The following LDAF1 variants were observed in gnomAD, a reference collection of about 807,000 sequenced individuals.
LDAF1 encodes the protein lipid droplet assembly factor 1, also known as PROMETHIN.
Under a neutral mutation model 13.5 loss-of-function variants are expected in LDAF1, and 7 were observed. The ratio of observed to expected loss-of-function variants is 0.52; its 90% CI spans 0.29 to 0.97. The LOEUF is 0.97. LDAF1 is among the 50% of genes least tolerant of loss of function. The pLI is 0.07. For missense variants in LDAF1, 148 were observed against 193.2 expected (o/e 0.77, Z 1.39); for synonymous variants, 69 against 77.1 (o/e 0.89, Z 0.55).
intron 2 of LDAF1, among the ~76,000 whole-genome samples, chr16:21,165,108 C>G (rs1366030408): frequency 6.6e-6 from 1 of 152,156 alleles, no homozygotes; most frequent in Non-Finnish European, 1.5e-5. Context: ...TCATCTGAAT[C>G]TTGGTCTCTT....
rs140785191 is a variant in LDAF1, at chr16:21,161,152, C to G, written c.-31C>G. 7.5e-6 allele frequency: 12 copies of G among 1,609,600 alleles called. No homozygotes were observed. In the South Asian group the frequency reaches 1.2e-4, roughly 16 times the overall value. On this transcript the variant is annotated 5_prime_UTR_variant, in exon 2 of 5. Transcript: ENST00000233047. ...TGGAGAATTTACTGGTAGGATAATT[C>G]ATCCCTAAAGAGATTGAAGTGAGCT...
rs777863759 is a variant in LDAF1 at position 21,170,550 on chromosome 16, G to A, written c.210G>A (p.Leu70=). The A allele has an allele frequency of 6.2e-7, 1 of 1,614,160 alleles. No homozygotes were observed. Among genetic ancestry groups the A allele is most frequent in the South Asian group, 1.1e-5 (1 of 91,088 alleles). Residue 70 remains leucine (L), a synonymous_variant, in exon 3 of 5, where the codon CTG becomes CTA. Coordinates refer to ENST00000233047, the MANE Select transcript of LDAF1 (RefSeq NM_001301771.2). ...VMSAVPVGFF[L]LIVVLTTLAA... ...CGGCCGTTCCTGTTGGATTCTTCCT[G>A]CTCATCGTGGTGCTTACCACCCTGG...
chr16:21,172,753 T>C, intron 3 of LDAF1: 7 of 768,164 alleles, frequency 9.1e-6, no homozygotes, highest in Non-Finnish European at 1.1e-5. Flanking sequence ...TGCACCTGAT[T>C]CTGATGCAGG....
At chr16:21,177,775 G>C (rs2093152716) in intron 4 of LDAF1, among the ~76,000 whole-genome samples, 3 of 151,904 alleles carry the variant, frequency 2.0e-5, no homozygotes, top group Admixed American at 2.0e-4. Flanking sequence ...GCACCACCAT[G>C]CATGGCTAAT....
chr16:21,179,724 T>G lies in LDAF1; in HGVS notation c.*168T>G. 2 of 591,852 alleles carry G rather than the reference T, an allele frequency of 3.4e-6. No individual in the cohort carries two copies. The highest frequency in any genetic ancestry group is 5.9e-6 in the Non-Finnish European group (2 of 337,610). 36.7% of individuals were successfully genotyped at this position (591,852 alleles called of 1,614,324 possible). A position where few individuals can be genotyped will look rare whatever the true frequency, so the allele number is the denominator to read the frequency against. On this transcript the variant is annotated 3_prime_UTR_variant, in exon 5 of 5. Coordinates refer to ENST00000233047, the MANE Select transcript of LDAF1 (RefSeq NM_001301771.2). Reference sequence around the variant, plus strand: ...CGCAGCAGCCAATTTAGGGATTGTGTTGTTCTTGTGTTGGTTCCCATGTAA... The same window carrying G: ...CGCAGCAGCCAATTTAGGGATTGTGGTGTTCTTGTGTTGGTTCCCATGTAA...
At chr16:21,172,646 A>G (rs1567199679) in intron 3 of LDAF1, 1 of 154,804 alleles carries the variant, frequency 6.5e-6, no homozygotes, top group Non-Finnish European at 1.4e-5. Flanking sequence ...GAAAAAAGAG[A>G]AAGAAAATGC....
At position 21,161,295 on chromosome 16, in the gene LDAF1, T is replaced by C. The variant is rs186878029; in HGVS notation, c.96+17T>C. The C allele has an allele frequency of 4.3e-5, 70 of 1,612,398 alleles. No individual in the cohort carries two copies. The African/African-American group carries it at 9.2e-4, about 21-fold the overall frequency. On this transcript the variant is annotated intron_variant, in intron 2 of 4. Coordinates refer to ENST00000233047, the MANE Select transcript of LDAF1 (RefSeq NM_001301771.2). ...AACTCAAAGGTCAGTTTCCAATCACTATGTATAATGGAAAATCCCAATATA... is the reference window on the plus strand; with the variant it reads ...AACTCAAAGGTCAGTTTCCAATCACCATGTATAATGGAAAATCCCAATATA...
At chr16:21,166,137 C>T (rs1247767690) in intron 2 of LDAF1, among the ~76,000 whole-genome samples, 2 of 152,134 alleles carry the variant, frequency 1.3e-5, no homozygotes, top group Non-Finnish European at 2.9e-5. Flanking sequence ...GCTGGGATTA[C>T]AGGTGTGAGC....
chr16:21,159,462 C>T (rs777056581), intron 1 of LDAF1: 4 of 1,608,738 alleles, frequency 2.5e-6, no homozygotes, highest in East Asian at 2.2e-5. Flanking sequence ...GAGATGTGAC[C>T]CCTCCTCCCA....
chr16:21,179,386 A>G (rs2093164418), intron 4 of LDAF1, 89 bp from the exon 5 acceptor site: 3 of 1,608,908 alleles, frequency 1.9e-6, no homozygotes, highest in African/African-American at 2.7e-5. Context: ...AATCAGGAAA[A>G]AGAACATCAT....
intron 1 of LDAF1, chr16:21,159,519 G>T: frequency 7.7e-7 from 1 of 1,299,768 alleles, no homozygotes; most frequent in Non-Finnish European, 1.1e-6. Context: ...TTCGGGGGTG[G>T]GAGGGCCAGG....
At position 21,174,296 on chromosome 16, in the gene LDAF1, TCTC is replaced by T. The variant is rs1002892639; in HGVS notation, c.404+151_404+153del. On this transcript the variant is annotated intron_variant, in intron 4 of 4. Coordinates refer to ENST00000233047, the MANE Select transcript of LDAF1 (RefSeq NM_001301771.2). ...CCTCAACCTCCAAGGCTCAAGCAGT[TCTC>T]CTGCTTCAGCCTCCCAAGTAGCTGG... 7.5e-6 allele frequency: 5 copies of T among 670,360 alleles called. No homozygotes were observed. The African/African-American group carries it at 9.4e-5, about 13-fold the overall frequency. 41.5% of individuals were successfully genotyped at this position (670,360 alleles called of 1,614,324 possible).
chr16:21,170,315 T>C, intron 2 of LDAF1, 122 bp from the exon 3 acceptor site: 1 of 1,543,744 alleles, frequency 6.5e-7, no homozygotes, highest in Non-Finnish European at 8.7e-7. Flanking sequence ...TAGTGACTTG[T>C]TAATGCATAA....
Position 21,167,045 on chromosome 16 carries a change from G to A in LDAF1, c.97-3392G>A, listed in dbSNP as rs146409476. 2.4e-4 allele frequency: 190 copies of A among 804,926 alleles called. No homozygotes were observed. The African/African-American group carries it at 3.0e-3, about 13-fold the overall frequency. The allele number at this position is 804,926 out of a possible 1,614,324, so 49.9% of individuals were successfully genotyped here. A position where few individuals can be genotyped will look rare whatever the true frequency, so the allele number is the denominator to read the frequency against. The stretch of plus-strand genomic sequence containing the variant: ...ATGCCGTCCTGTGGCCTGGCAGGGA[G>A]TGAAATTGGCCATGCCTCGAGAGTA... On this transcript the variant is annotated intron_variant, in intron 2 of 4. Transcript: ENST00000233047.
chr16:21,179,396 TG>T, intron 4 of LDAF1, 78 bp from the exon 5 acceptor site: 1 of 1,611,128 alleles, frequency 6.2e-7, no homozygotes, highest in Non-Finnish European at 8.5e-7. Context: ...AAGAACATCA[TG>T]TATTCAGCTA....
At chr16:21,166,629 G>A (rs2093026640) in intron 2 of LDAF1, among the ~76,000 whole-genome samples, 1 of 152,196 alleles carries the variant, frequency 6.6e-6, no homozygotes, top group Non-Finnish European at 1.5e-5. Flanking sequence ...CATACTCACG[G>A]GTGTACTGCT....
rs751447450 is a variant in LDAF1 at position 21,170,539 on chromosome 16, G to C, written c.199G>C (p.Gly67Arg). 6.2e-7 allele frequency: 1 copy of C among 1,614,122 alleles called. No individual in the cohort carries two copies. Among genetic ancestry groups the C allele is most frequent in the South Asian group, 1.1e-5 (1 of 91,072 alleles). ...CATTGTCATGTCGGCCGTTCCTGTTGGATTCTTCCTGCTCATCGTGGTGCT... is the reference window on the plus strand; with the variant it reads ...CATTGTCATGTCGGCCGTTCCTGTTCGATTCTTCCTGCTCATCGTGGTGCT... ...VFIVMSAVPV[G>R]FFLLIVVLTT... Residue 67 changes from glycine (G) to arginine (R), a missense_variant, in exon 3 of 5, where the codon GGA becomes CGA. Physicochemically the swap from Gly to Arg is moderately radical, Grantham distance 125 (BLOSUM62 -2). Transcript: ENST00000233047.
At chr16:21,164,858 G>T (rs529020714) in intron 2 of LDAF1, among the ~76,000 whole-genome samples, 88 of 152,242 alleles carry the variant, frequency 5.8e-4, no homozygotes, top group African/African-American at 2.0e-3. Context: ...TAATTGCTAC[G>T]TTCTACCCCC....
intron 1 of LDAF1, chr16:21,159,919 G>A: frequency 2.0e-6 from 2 of 985,272 alleles, no homozygotes; most frequent in East Asian, 1.1e-4. Flanking sequence ...CAAGACCTAC[G>A]CCAGAGGCAG....
Sources: gnomAD v4.1 joint callset for allele counts (sites outside exome capture counted in the v4.1 genomes callset) on GRCh38, gnomAD v4.1.1 for gene constraint, MANE v1.5 for transcripts, NCBI Gene and HGNC (gene_info 2026-07-23, HGNC 2026-07-21) for gene names.